GPHN: variants seen among roughly 807,000 people sequenced by gnomAD.
The protein encoded by GPHN is gephyrin.
A neutral mutation model predicts 95.5 loss-of-function variants in GPHN; 17 were observed. The ratio of observed to expected loss-of-function variants is 0.18; its 90% CI spans 0.12 to 0.27. The LOEUF is 0.27. GPHN is among the 10% of genes least tolerant of loss of function. The pLI, the probability that GPHN is intolerant of heterozygous loss-of-function variation, is 1.00. For missense variants in GPHN, 660 were observed against 978.1 expected (o/e 0.67, Z 4.34); for synonymous variants, 320 against 322.5 (o/e 0.99, Z 0.08).
intron 4 of GPHN, among the ~76,000 whole-genome samples, chr14:66,870,949 C>T (rs2063409822): frequency 6.6e-6 from 1 of 152,098 alleles, no homozygotes; most frequent in East Asian, 1.9e-4. Context: ...CCCAATAAAC[C>T]AATTCTATAA....
At chr14:66,673,103 AT>A (rs1256882340) in intron 1 of GPHN, among the ~76,000 whole-genome samples, 1 of 151,260 alleles carries the variant, frequency 6.6e-6, no homozygotes, top group African/African-American at 2.4e-5. Context: ...TATTTTTATT[AT>A]TTTTTTGAGA....
chr14:67,123,075 T>G (rs6573752), intron 17 of GPHN, among the ~76,000 whole-genome samples: 49,839 of 152,020 alleles, frequency 0.33, 12,958 homozygotes, highest in African/African-American at 0.7. Context: ...ACCCTTTCCA[T>G]TTCACTAGAG....
the GPHN span, among the ~76,000 whole-genome samples, chr14:67,553,007 C>G: frequency 6.6e-6 from 1 of 152,178 alleles, no homozygotes; most frequent in Non-Finnish European, 1.5e-5. Context: ...CTGGTTCTGA[C>G]CAATGTCATT....
At position 66,559,865 on chromosome 14, in the gene GPHN, A is replaced by G. The variant is rs554922919; in HGVS notation, c.64+51274A>G. Among the ~76,000 whole-genome samples the G allele has an allele frequency of 3.7e-3, 562 of 151,906 alleles. 9 individuals carry two copies. The highest frequency in any genetic ancestry group is 0.01 in the African/African-American group (432 of 41,276). On this transcript the variant is annotated intron_variant, in intron 1 of 22. Transcript: ENST00000478722. ...CTAGGTTTTTTTCTAGGGTTTTTAC[A>G]GTTTTAGGTCTAACATGTAAGTCTT... is the stretch of plus-strand genomic sequence containing the variant.
chr14:67,704,820 G>A, the GPHN span, among the ~76,000 whole-genome samples: 1 of 152,158 alleles, frequency 6.6e-6, no homozygotes, highest in Non-Finnish European at 1.5e-5. Flanking sequence ...ATTGTACCAC[G>A]TAGCCAAGGA....
chr14:67,199,850 C>A, the GPHN span: 1 of 1,493,226 alleles, frequency 6.7e-7, no homozygotes, highest in African/African-American at 1.4e-5. Context: ...CATGCCCCAC[C>A]ACCTATGCCT....
intron 12 of GPHN, among the ~76,000 whole-genome samples, chr14:67,095,942 A>AC (rs1567323970): frequency 6.8e-6 from 1 of 146,432 alleles, no homozygotes; most frequent in Admixed American, 6.8e-5. Context: ...TAATAAAAAA[A>AC]CAAAAAAAAA....
At chr14:67,387,743 T>C in the GPHN span, among the ~76,000 whole-genome samples, 8 of 152,216 alleles carry the variant, frequency 5.3e-5, no homozygotes, top group African/African-American at 1.7e-4. Context: ...AGATCTACCA[T>C]TTCATTTACA....
chr14:66,531,142 C>A (rs7148977), intron 1 of GPHN, among the ~76,000 whole-genome samples: 2 of 151,828 alleles, frequency 1.3e-5, no homozygotes, highest in Admixed American at 6.6e-5. Context: ...GAAAGGGCTT[C>A]GTCATGTTGG....
At chr14:67,470,263 C>T in the GPHN span, 2 of 152,152 alleles carry the variant, frequency 1.3e-5, no homozygotes, top group Non-Finnish European at 2.9e-5. Flanking sequence ...GGGCCAGAGC[C>T]AGTCCTGGAA....
the GPHN span, among the ~76,000 whole-genome samples, chr14:67,314,826 CACACCTGTAATCCCA>C: frequency 6.6e-6 from 1 of 152,156 alleles, no homozygotes; most frequent in African/African-American, 2.4e-5. Flanking sequence ...CCTGGTGGCT[CACACCTGTAATCCCA>C]GCACTTTGGG....
the GPHN span, among the ~76,000 whole-genome samples, chr14:67,672,367 C>A: frequency 6.6e-6 from 1 of 152,016 alleles, no homozygotes; most frequent in Non-Finnish European, 1.5e-5. Flanking sequence ...AATACTCCTG[C>A]CTCAGCTTCC....
At chr14:66,706,065 C>T (rs930082227) in intron 2 of GPHN, among the ~76,000 whole-genome samples, 4 of 151,866 alleles carry the variant, frequency 2.6e-5, no homozygotes, top group Non-Finnish European at 5.9e-5. Flanking sequence ...CATTCATAAT[C>T]GCTACAAAGA....
the GPHN span, among the ~76,000 whole-genome samples, chr14:67,250,347 C>G: frequency 6.6e-6 from 1 of 152,112 alleles, no homozygotes; most frequent in African/African-American, 2.4e-5. Context: ...TTCATTTATG[C>G]TCAGAAGTAC....
At chr14:67,223,263 G>A in the GPHN span, among the ~76,000 whole-genome samples, 3 of 152,084 alleles carry the variant, frequency 2.0e-5, no homozygotes, top group Admixed American at 2.0e-4. Flanking sequence ...GCCTCCCAAA[G>A]TGCTGGGATT....
the GPHN span, chr14:67,254,179 TTTC>T: frequency 1.4e-5 from 2 of 139,096 alleles, no homozygotes; most frequent in Non-Finnish European, 3.0e-5. Context: ...TTTAAGTGTC[TTTC>T]TTTTTTTTTT....
chr14:67,220,705 T>C, the GPHN span, among the ~76,000 whole-genome samples: 1 of 152,226 alleles, frequency 6.6e-6, no homozygotes, highest in Non-Finnish European at 1.5e-5. Context: ...GGCTTTATTT[T>C]AATTTGCATC....
At chr14:66,814,264 G>C (rs1222718439) in intron 3 of GPHN, among the ~76,000 whole-genome samples, 2 of 152,074 alleles carry the variant, frequency 1.3e-5, no homozygotes, top group African/African-American at 4.8e-5. Flanking sequence ...AAGGCACCCA[G>C]ATCTATGATG....
chr14:67,169,738 G>A (rs954335245), intron 21 of GPHN, among the ~76,000 whole-genome samples: 7 of 152,134 alleles, frequency 4.6e-5, no homozygotes, highest in African/African-American at 1.7e-4. Flanking sequence ...TTCAAATATG[G>A]CAGAATGCTA....
Sources: allele counts gnomAD v4.1 joint callset (sites outside exome capture counted in the v4.1 genomes callset), GRCh38; gene constraint gnomAD v4.1.1; transcripts MANE v1.5; gene names NCBI Gene and HGNC (gene_info 2026-07-23, HGNC 2026-07-21).